Variants in BAZ1B observed in about 807,000 individuals in gnomAD.
BAZ1B encodes the protein tyrosine-protein kinase BAZ1B.
In BAZ1B, 22 loss-of-function variants were observed where a neutral mutation model predicts 153.8. The observed-to-expected ratio is 0.14, with a 90% CI of 0.10 to 0.20. The LOEUF is 0.20. Among genes scored for constraint, BAZ1B ranks in the 10% least tolerant of loss-of-function variants. The pLI is 1.00. For missense variants in BAZ1B, 1,325 were observed against 1,799.3 expected (o/e 0.74, Z 4.77); for synonymous variants, 676 against 633.4 (o/e 1.07, Z -1.01).
intron 16 of BAZ1B, 100 bp downstream of exon 16, chr7:73,447,164 G>A: frequency 6.2e-7 from 1 of 1,601,774 alleles, no homozygotes; most frequent in Non-Finnish European, 8.5e-7. Context: ...AAAAGGAATA[G>A]GGCAAGCCGG....
chr7:73,463,239 C>CTTT (rs11340027), intron 11 of BAZ1B, 140 bp from the exon 12 acceptor site: 68 of 466,398 alleles, frequency 1.5e-4, no homozygotes, highest in South Asian at 1.6e-4. Context: ...TTTCTTTTTT[C>CTTT]TTTTTTTTTT....
chr7:73,479,836 T>C (rs1052817234), intron 6 of BAZ1B, among the ~76,000 whole-genome samples: 1 of 152,134 alleles, frequency 6.6e-6, no homozygotes, highest in Non-Finnish European at 1.5e-5. Flanking sequence ...GCCCTGCATA[T>C]GTTCAGCTGA....
At chr7:73,465,683 A>G in intron 10 of BAZ1B, 146 bp from the exon 11 acceptor site, 1 of 502,362 alleles carries the variant, frequency 2.0e-6, no homozygotes, top group Non-Finnish European at 3.5e-6. Flanking sequence ...GAAGTAGAAT[A>G]AGTAATTTAC....
At chr7:73,493,840 A>C (rs868985453) in intron 4 of BAZ1B, among the ~76,000 whole-genome samples, 8 of 134,718 alleles carry the variant, frequency 5.9e-5, no homozygotes, top group Non-Finnish European at 8.0e-5. Context: ...CCCTGTCTCC[A>C]AAAAAAAAAA....
In BAZ1B at chr7:73,444,125, T is replaced by C. The variant is rs1554565777; in HGVS notation, c.3849A>G (p.Arg1283=). Reference sequence around the variant, plus strand: ...GCTTGCCCCGGATGGTCTTTCGAGGTCTCACTGAAAGAAAAACTATGGATT... The same window carrying C: ...GCTTGCCCCGGATGGTCTTTCGAGGCCTCACTGAAAGAAAAACTATGGATT... ...EDYEVAGLRL[R]PRKTIRGKHS... Residue 1283 remains arginine (R), a synonymous_variant, in exon 17 of 20, where the codon AGA becomes AGG. Transcript: ENST00000339594. The C allele has an allele frequency of 1.3e-6, 2 of 1,591,312 alleles. No homozygotes were observed. The highest frequency in any genetic ancestry group is 4.5e-5 in the East Asian group (2 of 44,216).
intron 2 of BAZ1B, 51 bp from the exon 3 acceptor site, chr7:73,508,522 G>T: frequency 6.6e-7 from 1 of 1,524,680 alleles, no homozygotes; most frequent in Non-Finnish European, 8.9e-7. Flanking sequence ...CCTACCCAGA[G>T]ATTTAATTCA....
chr7:73,499,127 GC>G (rs1554576771), intron 3 of BAZ1B, among the ~76,000 whole-genome samples: 2 of 152,068 alleles, frequency 1.3e-5, no homozygotes, highest in Non-Finnish European at 1.5e-5. Flanking sequence ...CTGGGTTCAA[GC>G]CATTCTAACC....
chr7:73,442,993 C>A (rs1237343662), intron 17 of BAZ1B, among the ~76,000 whole-genome samples, 165 bp from the exon 18 acceptor site: 1 of 152,216 alleles, frequency 6.6e-6, no homozygotes, highest in East Asian at 1.9e-4. Context: ...GCACCCTCGG[C>A]CCAGGTGGCA....
Position 73,463,099 on chromosome 7 carries a change from C to G in BAZ1B, c.3072G>C (p.Arg1024Ser). ...ESQLKERLEK[R>S]YQDIIHSIHL... ...GAATAGAGTGAATAATGTCCTGGTACCTAGAAGATTTGGGACAAGAGAATG... is the reference window on the plus strand; with the variant it reads ...GAATAGAGTGAATAATGTCCTGGTAGCTAGAAGATTTGGGACAAGAGAATG... The change falls in exon 12 of 20, where the codon AGG (arginine) becomes AGC (serine). Residue 1024 changes from arginine to serine, a missense_variant and splice_region_variant. Arg to Ser is a moderately radical substitution (Grantham distance 110, BLOSUM62 -1). This residue lies in a region of BAZ1B where 431 missense variants were observed against 563.5 expected (regional missense o/e 0.76). Transcript: ENST00000339594. The G allele has an allele frequency of 6.2e-7, 1 of 1,601,010 alleles. No individual in the cohort carries two copies. The highest frequency in any genetic ancestry group is 8.5e-7 in the Non-Finnish European group (1 of 1,175,052).
At position 73,442,201 on chromosome 7, in the gene BAZ1B, T is replaced by A. The variant is rs1432270866; in HGVS notation, c.4447A>T (p.Lys1483Ter). The A allele has an allele frequency of 5.2e-6, 7 of 1,358,106 alleles. No homozygotes were observed. In the African/African-American group the frequency reaches 7.6e-5, roughly 15 times the overall value. 84.1% of individuals were successfully genotyped at this position (1,358,106 alleles called of 1,614,324 possible). ...VGQSRGRRQK[K>*] ...CTTACCACGGCCCTGCCTCTCTACT[T>A]CTTCTGTCTTCGTCCCCTGGACTGT... Residue 1483 changes from lysine (K) to a stop codon, truncating the protein, a stop_gained, in exon 19 of 20, where the codon AAG becomes TAG. Coordinates refer to ENST00000339594, the MANE Select transcript of BAZ1B (RefSeq NM_032408.4). LOFTEE classifies it high-confidence loss of function.
chr7:73,515,713 T>A (rs1161438352), intron 1 of BAZ1B, among the ~76,000 whole-genome samples: 1 of 151,686 alleles, frequency 6.6e-6, no homozygotes, highest in Non-Finnish European at 1.5e-5. Flanking sequence ...AATTTTTCTA[T>A]TTTTTTTGTA....
intron 17 of BAZ1B, among the ~76,000 whole-genome samples, chr7:73,443,380 T>C (rs1023048225): frequency 7.0e-6 from 1 of 142,876 alleles, no homozygotes; most frequent in Non-Finnish European, 1.5e-5. Flanking sequence ...CAGGTAGCCA[T>C]AACAAAAGCT....
Position 73,442,250 on chromosome 7 carries a change from C to T in BAZ1B, c.4398G>A (p.Gly1466=), listed in dbSNP as rs782532925. 4.3e-6 allele frequency: 7 copies of T among 1,613,768 alleles called. No homozygotes were observed. The Admixed American group carries it at 1.0e-4, about 23-fold the overall frequency. ...KFPDRLAEDE[G]DSEPEAVGQS... ...GTCCAACGGCCTCTGGCTCACTGTC[C>T]CCTTCATCTTCAGCAAGCCTATCAG... The change falls in exon 19 of 20, where the codon GGG becomes GGA. Residue 1466 remains glycine (G), a synonymous_variant. Coordinates refer to ENST00000339594, the MANE Select transcript of BAZ1B (RefSeq NM_032408.4).
At chr7:73,457,920 C>T (rs1420928551) in intron 13 of BAZ1B, among the ~76,000 whole-genome samples, 3 of 152,194 alleles carry the variant, frequency 2.0e-5, no homozygotes, top group Non-Finnish European at 4.4e-5. Context: ...CCACGTACCC[C>T]TGCTCCGCCA....
At position 73,517,322 on chromosome 7, in the gene BAZ1B, G is replaced by A. The variant is rs550281931; in HGVS notation, c.107+4505C>T. 9.2e-5 allele frequency among the ~76,000 whole-genome samples: 14 copies of A among 151,874 alleles called. No individual in the cohort carries two copies. In the South Asian group the frequency reaches 2.3e-3, roughly 25 times the overall value. On this transcript the variant is annotated intron_variant, in intron 1 of 19. Transcript: ENST00000339594. ...AGCCGGGGCAACTTTGCAAGACCTCGTCTCGTCTCTACAAAACATACAAAA... is the reference window on the plus strand; with the variant it reads ...AGCCGGGGCAACTTTGCAAGACCTCATCTCGTCTCTACAAAACATACAAAA...
chr7:73,480,247 A>G (rs537700088), intron 6 of BAZ1B, among the ~76,000 whole-genome samples: 7 of 151,996 alleles, frequency 4.6e-5, no homozygotes, highest in East Asian at 1.9e-4. Context: ...CAAACACAGT[A>G]TGTTCCTTTA....
intron 7 of BAZ1B, among the ~76,000 whole-genome samples, chr7:73,470,908 C>T (rs937515094): frequency 6.6e-6 from 1 of 152,050 alleles, no homozygotes; most frequent in African/African-American, 2.4e-5. Flanking sequence ...CTAATTTTTA[C>T]ATTTTTAGTA....
Position 73,450,833 on chromosome 7 carries a change from T to A in BAZ1B, c.3580+14A>T. Reference sequence around the variant, plus strand: ...CCTAATATACCCACATAAGCAAATTTGATTTAAATATACCTTTCTTTCGAC... The same window carrying A: ...CCTAATATACCCACATAAGCAAATTAGATTTAAATATACCTTTCTTTCGAC... On this transcript the variant is annotated intron_variant, in intron 14 of 19. Transcript: ENST00000339594. The surrounding 1 kb of genome is among the most constrained non-coding windows in gnomAD (Gnocchi z 4.1). The A allele has an allele frequency of 6.2e-7, 1 of 1,612,878 alleles. No individual in the cohort carries two copies.
chr7:73,487,595 T>C (rs1554574642), intron 6 of BAZ1B, among the ~76,000 whole-genome samples: 1 of 152,190 alleles, frequency 6.6e-6, no homozygotes, highest in Non-Finnish European at 1.5e-5. Flanking sequence ...AGGACTCAAG[T>C]AATCCAAGAA....
Sources: allele counts gnomAD v4.1 joint callset (sites outside exome capture counted in the v4.1 genomes callset), GRCh38; gene constraint gnomAD v4.1.1; regional missense constraint gnomAD v4.1.1; non-coding constraint Gnocchi (gnomAD v3.1); transcripts MANE v1.5; gene names NCBI Gene and HGNC (gene_info 2026-07-23, HGNC 2026-07-21).